The following AJAP1 variants were observed in gnomAD, a reference collection of about 807,000 sequenced individuals.
The protein encoded by AJAP1 is adherens junctions associated protein 1, also known as adherens junction-associated protein 1.
In AJAP1, 5 loss-of-function variants were observed where a neutral mutation model predicts 35.0. The observed-to-expected ratio is 0.14, with a 90% CI of 0.07 to 0.30. The LOEUF (loss-of-function observed/expected upper bound fraction) is 0.30, where lower values mean the gene tolerates loss of function less well. Among genes scored for constraint, AJAP1 ranks in the 10% least tolerant of loss-of-function variants. The pLI, the probability that AJAP1 is intolerant of heterozygous loss-of-function variation, is 1.00. For synonymous variants in AJAP1, 284 were observed against 249.3 expected (o/e 1.14, Z -1.31); for missense variants, 586 against 571.0 (o/e 1.03, Z -0.27).
chr1:4,664,997 C>G (rs915803675), intron 1 of AJAP1, among the ~76,000 whole-genome samples: 1 of 152,114 alleles, frequency 6.6e-6, no homozygotes, highest in African/African-American at 2.4e-5. Context: ...TGGCAGAAGC[C>G]TCTGCCCCAG....
chr1:4,783,349 C>T lies in AJAP1; in HGVS notation c.*864C>T, dbSNP rs1642102107. 6.6e-6 allele frequency: 1 copy of T among 151,398 alleles called. No homozygotes were observed. The highest frequency in any genetic ancestry group is 6.6e-5 in the Admixed American group (1 of 15,184). The allele number at this position is 151,398 out of a possible 1,614,324, so 9.4% of individuals were successfully genotyped here. On this transcript the variant is annotated 3_prime_UTR_variant, in exon 6 of 6. Transcript: ENST00000378191. ...CATTCACCCCAGGGGACAGCCTCGA[C>T]CGAGACAAGGAGGCCCTTAAATGAC...
rs1640583766 is a variant in AJAP1, at chr1:4,723,860, A to G, written c.829+11161A>G. On this transcript the variant is annotated intron_variant, in intron 2 of 5. Transcript: ENST00000378191. This position sits in a 1 kb window ranked among gnomAD's most constrained non-coding sequence, Gnocchi z 4.3. ...GTGAATGACCCAGTAGAGAATGGAA[A>G]TGGACAATGTGGCAGGGACGGAGGA... Among the ~76,000 whole-genome samples the G allele has an allele frequency of 6.6e-6, 1 of 152,092 alleles. No individual in the cohort carries two copies.
chr1:4,703,341 C>T (rs6681520), intron 1 of AJAP1, among the ~76,000 whole-genome samples: 81,119 of 151,662 alleles, frequency 0.53, 21,916 homozygotes, highest in South Asian at 0.7. Flanking sequence ...AGGGGGTTGG[C>T]CTCTGCTCTG....
At chr1:4,739,379 C>T (rs575378094) in intron 2 of AJAP1, among the ~76,000 whole-genome samples, 104 of 152,338 alleles carry the variant, frequency 6.8e-4, no homozygotes, top group Middle Eastern at 6.8e-3. Flanking sequence ...CAGCAATGGT[C>T]ATGCGACAGG....
At chr1:4,688,640 C>T (rs553698426) in intron 1 of AJAP1, among the ~76,000 whole-genome samples, 11 of 151,844 alleles carry the variant, frequency 7.2e-5, no homozygotes, top group East Asian at 2.0e-4. Context: ...AGCGTGGTGG[C>T]GTGCACCTGC....
chr1:4,732,343 G>A (rs1352190321), intron 2 of AJAP1, among the ~76,000 whole-genome samples: 2 of 152,260 alleles, frequency 1.3e-5, no homozygotes, highest in Admixed American at 1.3e-4. Context: ...CATGGCTGAG[G>A]TGTCACATGT....
chr1:4,729,094 G>T (rs1640740599), intron 2 of AJAP1, among the ~76,000 whole-genome samples: 2 of 152,214 alleles, frequency 1.3e-5, no homozygotes, highest in Admixed American at 1.3e-4. Context: ...TCATTGAAAT[G>T]AATTATACAT....
chr1:4,684,216 G>A (rs1010012778), intron 1 of AJAP1, among the ~76,000 whole-genome samples: 1 of 152,186 alleles, frequency 6.6e-6, no homozygotes, highest in African/African-American at 2.4e-5. Flanking sequence ...CCAGCTGTTT[G>A]GGGGGCAGCT....
intron 2 of AJAP1, among the ~76,000 whole-genome samples, chr1:4,736,201 C>A (rs987696652): frequency 6.6e-6 from 1 of 152,230 alleles, no homozygotes; most frequent in Non-Finnish European, 1.5e-5. Flanking sequence ...CACATAGTTG[C>A]CCCATCAGTT....
At chr1:4,740,189 A>G (rs1308021899) in intron 2 of AJAP1, among the ~76,000 whole-genome samples, 2 of 151,756 alleles carry the variant, frequency 1.3e-5, no homozygotes, top group Non-Finnish European at 2.9e-5. Flanking sequence ...CCTTAAAACC[A>G]AAGGAAATTA....
At position 4,782,987 on chromosome 1, in the gene AJAP1, G is replaced by A. The variant is rs1000465359; in HGVS notation, c.*502G>A. The A allele has an allele frequency of 9.1e-5, 36 of 396,630 alleles. No individual in the cohort carries two copies. Among genetic ancestry groups the A allele is most frequent in the African/African-American group, 1.6e-4 (8 of 48,578 alleles). 24.6% of individuals were successfully genotyped at this position (396,630 alleles called of 1,614,324 possible). A position where few individuals can be genotyped will look rare whatever the true frequency, so the allele number is the denominator to read the frequency against. On this transcript the variant is annotated 3_prime_UTR_variant, in exon 6 of 6. Coordinates refer to ENST00000378191, the MANE Select transcript of AJAP1 (RefSeq NM_018836.4). This position sits in a 1 kb window ranked among gnomAD's most constrained non-coding sequence, Gnocchi z 5.3. ...GAAAACAGGGGTGGGAATCTCTTCC[G>A]ATAGAGTCGCTATTTCTGGTTAATA...
At chr1:4,736,750 G>T (rs768384790) in intron 2 of AJAP1, among the ~76,000 whole-genome samples, 1 of 152,184 alleles carries the variant, frequency 6.6e-6, no homozygotes, top group Non-Finnish European at 1.5e-5. Flanking sequence ...ATAAAGAAAA[G>T]GCCTTGTAGC....
chr1:4,668,738 G>T (rs1453849918), intron 1 of AJAP1, among the ~76,000 whole-genome samples: 1 of 152,142 alleles, frequency 6.6e-6, no homozygotes. Flanking sequence ...CTGGAGCCGG[G>T]GTCCCCTGCC....
chr1:4,723,619 G>T lies in AJAP1; in HGVS notation c.829+10920G>T, dbSNP rs1640576286. Among the ~76,000 whole-genome samples, 1 of 152,112 alleles carries T rather than the reference G, an allele frequency of 6.6e-6. No individual in the cohort carries two copies. Among genetic ancestry groups the T allele is most frequent in the Non-Finnish European group, 1.5e-5 (1 of 68,028 alleles). On this transcript the variant is annotated intron_variant, in intron 2 of 5. Transcript: ENST00000378191. This position sits in a 1 kb window ranked among gnomAD's most constrained non-coding sequence, Gnocchi z 4.3. The stretch of plus-strand genomic sequence containing the variant: ...GGAGGCTGCTGGAGACGTGGTGAGG[G>T]GAGAGTCCTGCGAGGGCGATGGAAG...
chr1:4,713,064 C>A (rs965795738), intron 2 of AJAP1, among the ~76,000 whole-genome samples: 5 of 152,072 alleles, frequency 3.3e-5, no homozygotes, highest in Admixed American at 2.6e-4. Flanking sequence ...TCTCTGGGGC[C>A]GGCCCTTGAG....
At chr1:4,728,806 C>A (rs889560789) in intron 2 of AJAP1, among the ~76,000 whole-genome samples, 1 of 152,216 alleles carries the variant, frequency 6.6e-6, no homozygotes, top group African/African-American at 2.4e-5. Context: ...GGTTTTCCCT[C>A]CACCCTGGGC....
At chr1:4,657,111 T>C (rs987289570) in intron 1 of AJAP1, among the ~76,000 whole-genome samples, 3 of 152,224 alleles carry the variant, frequency 2.0e-5, no homozygotes, top group African/African-American at 4.8e-5. Context: ...CATTTTTTTT[T>C]ATTGCTAAGT....
chr1:4,763,142 C>T (rs1641609816), intron 2 of AJAP1, among the ~76,000 whole-genome samples: 1 of 152,200 alleles, frequency 6.6e-6, no homozygotes, highest in South Asian at 2.1e-4. Flanking sequence ...GAGGCCTCTG[C>T]CAGCATCTTT....
At chr1:4,779,143 T>C (rs1186504716) in intron 5 of AJAP1, among the ~76,000 whole-genome samples, 1 of 152,088 alleles carries the variant, frequency 6.6e-6, no homozygotes, top group Non-Finnish European at 1.5e-5. Flanking sequence ...CAAGAGGCCC[T>C]CCCCAGGGAG....
Sources: gnomAD v4.1 joint callset for allele counts (sites outside exome capture counted in the v4.1 genomes callset) on GRCh38, gnomAD v4.1.1 for gene constraint, Gnocchi (gnomAD v3.1) non-coding constraint, MANE v1.5 for transcripts, NCBI Gene and HGNC (gene_info 2026-07-23, HGNC 2026-07-21) for gene names.